Variants in MRPL42 observed in about 807,000 individuals in gnomAD.
The protein encoded by MRPL42 is large ribosomal subunit protein mL42.
Under a neutral mutation model 17.9 loss-of-function variants are expected in MRPL42, and 17 were observed. That is an observed-to-expected ratio of 0.95 (90% CI 0.65 to 1.42). MRPL42 has a LOEUF of 1.42. MRPL42 is among the 40% of genes most tolerant of loss of function. MRPL42 has a pLI of 0.00. For missense variants in MRPL42, 177 were observed against 175.2 expected, an observed-to-expected ratio of 1.01 and a Z score of -0.06; for synonymous variants, 59 against 54.4, an observed-to-expected ratio of 1.08 and a Z score of -0.37.
At chr12:93,486,555 C>G (rs1260038806) in intron 4 of MRPL42, among the ~76,000 whole-genome samples, 2 of 152,202 alleles carry the variant, frequency 1.3e-5, no homozygotes, top group Non-Finnish European at 2.9e-5. Context: ...CCAGGCTAGT[C>G]TTGAACTCCT....
rs1953619727 is a variant in MRPL42 at position 93,503,134 on chromosome 12, CTTTAA to C, written c.*1919_*1923del. 1.3e-5 allele frequency: 2 copies of C among 152,282 alleles called. No homozygotes were observed. Among genetic ancestry groups the C allele is most frequent in the Admixed American group, 6.5e-5 (1 of 15,296 alleles). The allele number at this position is 152,282 out of a possible 1,614,324, so 9.4% of individuals were successfully genotyped here. ...TTAAAATTCGTAAAGTGGGATGCTTCTTTAATTTAAATACATTTAGCTTCATGAAA... is the reference window on the plus strand; with the variant it reads ...TTAAAATTCGTAAAGTGGGATGCTTCTTTAAATACATTTAGCTTCATGAAA... On this transcript the variant is annotated 3_prime_UTR_variant, in exon 6 of 6. Transcript: ENST00000549982.
chr12:93,479,460 T>G lies in MRPL42; in HGVS notation c.207T>G (p.Tyr69Ter). The change falls in exon 4 of 6, where the codon TAT becomes TAG. Residue 69 changes from tyrosine to a stop codon, truncating the protein, a stop_gained. Transcript: ENST00000549982. LOFTEE classifies it high-confidence loss of function. Reference sequence around the variant, plus strand: ...ACCACCCTTCTGTGGACATTCCATATGAACACACAAAAGTATGTATGAGAA... The same window carrying G: ...ACCACCCTTCTGTGGACATTCCATAGGAACACACAAAAGTATGTATGAGAA... ...VCYHPSVDIP[Y>*]EHTKPIPRPD... 1 of 1,607,316 alleles carries G rather than the reference T, an allele frequency of 6.2e-7. No homozygotes were observed.
At chr12:93,485,129 A>G (rs1880678800) in intron 4 of MRPL42, among the ~76,000 whole-genome samples, 1 of 145,892 alleles carries the variant, frequency 6.9e-6, no homozygotes, top group African/African-American at 2.5e-5. Flanking sequence ...CTGGGATTAC[A>G]GGTGTGAGCC....
intron 4 of MRPL42, among the ~76,000 whole-genome samples, chr12:93,483,114 C>G (rs750336418): frequency 5.3e-5 from 8 of 152,094 alleles, no homozygotes; most frequent in Non-Finnish European, 7.4e-5. Context: ...AGGCTGGTCT[C>G]TAACTCCTGG....
At chr12:93,501,153 C>G in intron 5 of MRPL42, 23 bp from the exon 6 acceptor site, 1 of 1,543,462 alleles carries the variant, frequency 6.5e-7, no homozygotes, top group Non-Finnish European at 8.8e-7. Context: ...TCATCTTATT[C>G]CAAGTATTTT....
intron 3 of MRPL42, 122 bp downstream of exon 3, chr12:93,477,139 T>G: frequency 1.4e-6 from 1 of 727,344 alleles, no homozygotes; most frequent in Non-Finnish European, 2.1e-6. Context: ...TAATTTTGTT[T>G]TTAAAAATTA....
chr12:93,509,143 ACAC>A lies in MRPL42; in HGVS notation c.*7926_*7928del, dbSNP rs1385769201. The A allele has an allele frequency of 1.3e-5, 2 of 150,538 alleles. No homozygotes were observed. Among genetic ancestry groups the A allele is most frequent in the Non-Finnish European group, 3.0e-5 (2 of 67,722 alleles). 9.3% of individuals were successfully genotyped at this position (150,538 alleles called of 1,614,324 possible). On this transcript the variant is annotated 3_prime_UTR_variant, in exon 6 of 6. Transcript: ENST00000549982. ...GCAGAGGTTGCAGTGGGCCAAGATC[ACAC>A]CACTGCACTCCAGTCTGGGTGATAA...
intron 5 of MRPL42, among the ~76,000 whole-genome samples, chr12:93,492,906 CTATT>C (rs1316452870): frequency 7.2e-6 from 1 of 139,840 alleles, no homozygotes; most frequent in Non-Finnish European, 1.5e-5. Context: ...CTTGCAGACA[CTATT>C]AATTAATACA....
rs183049683 is a variant in MRPL42 at position 93,473,468 on chromosome 12, G to A, written c.71-3486G>A. On this transcript the variant is annotated intron_variant, in intron 2 of 5. Coordinates refer to ENST00000549982, the MANE Select transcript of MRPL42 (RefSeq NM_014050.4). ...ATTTTTGAGATGGAGTTTCACTCTTGTTGCCCAGGCTGGAGTGCAATGGCA... is the reference window on the plus strand; with the variant it reads ...ATTTTTGAGATGGAGTTTCACTCTTATTGCCCAGGCTGGAGTGCAATGGCA... 2.5e-3 allele frequency among the ~76,000 whole-genome samples: 381 copies of A among 152,236 alleles called. 4 individuals carry two copies. Among genetic ancestry groups the A allele is most frequent in the African/African-American group, 8.1e-3 (338 of 41,536 alleles).
chr12:93,487,776 T>A (rs1953333289), intron 5 of MRPL42, 116 bp downstream of exon 5: 11 of 916,224 alleles, frequency 1.2e-5, no homozygotes, highest in Non-Finnish European at 1.8e-5. Context: ...TAACCCTAAG[T>A]AGAATCACCT....
chr12:93,481,900 A>G (rs998906323), intron 4 of MRPL42, among the ~76,000 whole-genome samples: 18 of 152,036 alleles, frequency 1.2e-4, no homozygotes, highest in South Asian at 4.1e-4. Context: ...CTCACTCCCT[A>G]CTTAACCCAG....
At chr12:93,482,997 C>T (rs377626454) in intron 4 of MRPL42, among the ~76,000 whole-genome samples, 4 of 152,010 alleles carry the variant, frequency 2.6e-5, no homozygotes, top group Admixed American at 6.6e-5. Context: ...CAGGTTCAAG[C>T]GATTCTTATG....
chr12:93,473,058 A>T (rs566631174), intron 2 of MRPL42, among the ~76,000 whole-genome samples: 1 of 152,338 alleles, frequency 6.6e-6, no homozygotes, highest in East Asian at 1.9e-4. Flanking sequence ...TTTAGCTTTC[A>T]TAGCTCTTTC....
In MRPL42 at chr12:93,509,003, CA is replaced by C. The variant is rs1953698900; in HGVS notation, c.*7783del. On this transcript the variant is annotated 3_prime_UTR_variant, in exon 6 of 6. Transcript: ENST00000549982. ...AGGAGTTTGAGACCAGCCTAGCTAACATGGTGAAACCCCGTCTCTACTAAAA... is the reference window on the plus strand; with the variant it reads ...AGGAGTTTGAGACCAGCCTAGCTAACTGGTGAAACCCCGTCTCTACTAAAA... 1 of 152,110 alleles carries C rather than the reference CA, an allele frequency of 6.6e-6. No individual in the cohort carries two copies. The highest frequency in any genetic ancestry group is 1.5e-5 in the Non-Finnish European group (1 of 68,070). 9.4% of individuals were successfully genotyped at this position (152,110 alleles called of 1,614,324 possible). A position where few individuals can be genotyped will look rare whatever the true frequency, so the allele number is the denominator to read the frequency against.
At chr12:93,471,444 G>A (rs1879905168) in intron 2 of MRPL42, among the ~76,000 whole-genome samples, 2 of 152,166 alleles carry the variant, frequency 1.3e-5, no homozygotes, top group South Asian at 4.2e-4. Flanking sequence ...GATTACAGGT[G>A]TGAGCCATTG....
chr12:93,471,876 C>T (rs1879926590), intron 2 of MRPL42, among the ~76,000 whole-genome samples: 1 of 152,102 alleles, frequency 6.6e-6, no homozygotes, highest in South Asian at 2.1e-4. Context: ...TCTTAGATTC[C>T]TCTTTGCCTT....
At chr12:93,491,519 A>AT (rs138712474) in intron 5 of MRPL42, among the ~76,000 whole-genome samples, 2,410 of 152,286 alleles carry the variant, frequency 0.016, 67 homozygotes, top group African/African-American at 0.055. Flanking sequence ...TGCTTTGTAA[A>AT]TTTTTTTATC....
At position 93,485,042 on chromosome 12, in the gene MRPL42, G is replaced by T. The variant is rs573133705; in HGVS notation, c.220-2455G>T. On this transcript the variant is annotated intron_variant, in intron 4 of 5. Transcript: ENST00000549982. ...TATATATATATAAACAGAGATGGGG[G>T]GTCTTACCATGGTGCCTAGGCTGGT... Among the ~76,000 whole-genome samples the T allele has an allele frequency of 5.5e-4, 27 of 49,440 alleles. 2 individuals carry two copies. The highest frequency in any genetic ancestry group is 1.7e-3 in the African/African-American group (26 of 15,466). The allele number at this position is 49,440 out of a possible 152,430, so 32.4% of individuals were successfully genotyped here. A position where few individuals can be genotyped will look rare whatever the true frequency, so the allele number is the denominator to read the frequency against.
chr12:93,503,159 A>G lies in MRPL42; in HGVS notation c.*1938A>G, dbSNP rs1470808042. On this transcript the variant is annotated 3_prime_UTR_variant, in exon 6 of 6. Coordinates refer to ENST00000549982, the MANE Select transcript of MRPL42 (RefSeq NM_014050.4). ...CTTTAATTTAAATACATTTAGCTTC[A>G]TGAAAAACTCACTACACAGTTCTTG... The G allele has an allele frequency of 6.6e-6, 1 of 152,162 alleles. No individual in the cohort carries two copies. The highest frequency in any genetic ancestry group is 1.5e-5 in the Non-Finnish European group (1 of 68,044). The allele number at this position is 152,162 out of a possible 1,614,324, so 9.4% of individuals were successfully genotyped here.
Sources: allele counts gnomAD v4.1 joint callset (sites outside exome capture counted in the v4.1 genomes callset), GRCh38; gene constraint gnomAD v4.1.1; transcripts MANE v1.5; gene names NCBI Gene and HGNC (gene_info 2026-07-23, HGNC 2026-07-21).